The following MACF1 variants were observed in gnomAD, a reference collection of about 807,000 sequenced individuals.
MACF1 encodes microtubule-actin cross-linking factor 1.
Under a neutral mutation model 854.8 loss-of-function variants are expected in MACF1, and 193 were observed. The observed-to-expected ratio is 0.23, with a 90% confidence interval of 0.20 to 0.25. The LOEUF is 0.25. Ranked by LOEUF, MACF1 falls within the 10% of genes least tolerant of loss-of-function variation. The pLI is 1.00. For missense variants in MACF1, 7,722 were observed against 8,929.1 expected (o/e 0.86, Z 5.45); for synonymous variants, 3,185 against 3,226.7 (o/e 0.99, Z 0.44).
At chr1:39,157,991 G>T (rs1643725666) in intron 2 of MACF1, among the ~76,000 whole-genome samples, 1 of 152,204 alleles carries the variant, frequency 6.6e-6, no homozygotes, top group South Asian at 2.1e-4. Context: ...TTTCAAAGAT[G>T]AGTCTAATAA....
Position 39,333,238 on chromosome 1 carries a change from C to G in MACF1, c.6650C>G (p.Thr2217Ser). 3 of 1,613,306 alleles carry G rather than the reference C, an allele frequency of 1.9e-6. No homozygotes were observed. Among genetic ancestry groups the G allele is most frequent in the Non-Finnish European group, 1.7e-6 (2 of 1,179,866 alleles). Residue 2217 changes from threonine (T) to serine (S), a missense_variant, in exon 37 of 101, where the codon ACT (threonine) becomes AGT (serine). Thr to Ser is a moderately conservative substitution (Grantham distance 58). Around this residue, in one of 15 missense-constraint regions of MACF1, gnomAD observed 1,531 missense variants for 1,601.6 expected, o/e 0.96. Transcript: ENST00000564288. ...ATAAAGTTAGAACTAAAGTCTGAAA[C>G]TGATGGGAATGTTCATCCTCTGGAC... ...LGIKLELKSE[T>S]DGNVHPLDKK...
In MACF1 at chr1:39,185,503, TA is replaced by T. The variant is rs879320616; in HGVS notation, c.221-45668del. 5.4e-3 allele frequency among the ~76,000 whole-genome samples: 794 copies of T among 146,406 alleles called. 5 individuals carry two copies. The highest frequency in any genetic ancestry group is 0.019 in the African/African-American group (735 of 39,708). The stretch of plus-strand genomic sequence containing the variant: ...GGACAGCATAGAGGCCCAGTTTCTT[TA>T]AAAAAAAAAATTTTTTTTTTAAATA... On this transcript the variant is annotated intron_variant, in intron 2 of 93. Transcript: ENST00000361689.
intron 58 of MACF1, among the ~76,000 whole-genome samples, chr1:39,416,009 C>G (rs1643293209): frequency 6.6e-6 from 1 of 152,170 alleles, no homozygotes; most frequent in South Asian, 2.1e-4. Context: ...TTTTCTCATT[C>G]ACCTCACTGC....
At chr1:39,351,652 T>G (rs1050412215) in intron 43 of MACF1, among the ~76,000 whole-genome samples, 2 of 136,140 alleles carry the variant, frequency 1.5e-5, no homozygotes, top group African/African-American at 5.5e-5. Flanking sequence ...AGTGGTGCAA[T>G]CTCAGCTCAC....
rs1380381325 is a variant in MACF1, at chr1:39,331,991, T to C, written c.5403T>C (p.Cys1801=). ...RHNLIDQDMA[C]AILIRQLQTG... ...ATCTGATTGACCAAGATATGGCCTG[T>C]GCTATCCTCATAAGGCAGCTTCAGA... Residue 1801 remains cysteine (C), a synonymous_variant, in exon 37 of 101, where the codon TGT becomes TGC. Transcript: ENST00000564288. 3 of 1,613,854 alleles carry C rather than the reference T, an allele frequency of 1.9e-6. No individual in the cohort carries two copies. In the African/African-American group the frequency reaches 4.0e-5, roughly 22 times the overall value.
At chr1:39,117,041 C>T (rs1642566027) in intron 2 of MACF1, among the ~76,000 whole-genome samples, 1 of 152,172 alleles carries the variant, frequency 6.6e-6, no homozygotes. Context: ...AAAATGCAGC[C>T]TCCTTCTTGT....
chr1:39,085,765 C>G (rs1340095188), intron 2 of MACF1, among the ~76,000 whole-genome samples: 1 of 152,170 alleles, frequency 6.6e-6, no homozygotes, highest in Non-Finnish European at 1.5e-5. Context: ...AAGGCTTCAG[C>G]ATAAAGACCC....
intron 2 of MACF1, among the ~76,000 whole-genome samples, chr1:39,189,001 G>A (rs1042883071): frequency 6.6e-6 from 1 of 152,190 alleles, no homozygotes; most frequent in Non-Finnish European, 1.5e-5. Flanking sequence ...GCCTCCCAAA[G>A]TGTTAGGATT....
intron 14 of MACF1, among the ~76,000 whole-genome samples, chr1:39,286,448 G>C (rs28401514): frequency 4.5e-4 from 68 of 151,652 alleles, no homozygotes; most frequent in African/African-American, 1.6e-3. Context: ...ATTATGTAAA[G>C]TCATGTGGCT....
chr1:39,352,999 G>A lies in MACF1; in HGVS notation c.11200-8G>A, dbSNP rs768377213. On this transcript the variant is annotated splice_polypyrimidine_tract_variant and splice_region_variant and intron_variant, in intron 43 of 100. Coordinates refer to ENST00000564288, the MANE Select transcript of MACF1 (RefSeq NM_001394062.1). ...GCCTTCTCACTAGACTACCTCGGTG[G>A]CTTTCAGAGTAAAGCAGCAAAGGAA... 1.9e-5 allele frequency: 31 copies of A among 1,608,470 alleles called. No individual in the cohort carries two copies. The highest frequency in any genetic ancestry group is 2.4e-5 in the Non-Finnish European group (28 of 1,175,134).
intron 1 of MACF1, among the ~76,000 whole-genome samples, chr1:39,221,274 TA>T (rs1218532910): frequency 1.3e-5 from 2 of 152,200 alleles, no homozygotes; most frequent in African/African-American, 4.8e-5. Flanking sequence ...CTTTGAATTC[TA>T]AAACTAAAGT....
chr1:39,349,714 C>A, intron 42 of MACF1, 87 bp downstream of exon 42: 1 of 1,385,338 alleles, frequency 7.2e-7, no homozygotes, highest in Non-Finnish European at 9.8e-7. Flanking sequence ...CTCACTGCAG[C>A]TTCGATCTCC....
At chr1:39,151,023 G>A (rs1643567559) in intron 2 of MACF1, among the ~76,000 whole-genome samples, 1 of 152,134 alleles carries the variant, frequency 6.6e-6, no homozygotes, top group Non-Finnish European at 1.5e-5. Context: ...GAGAGCTAGA[G>A]GACTTCTTTT....
At chr1:39,243,943 T>G (rs1644952591) in intron 2 of MACF1, among the ~76,000 whole-genome samples, 1 of 152,152 alleles carries the variant, frequency 6.6e-6, no homozygotes, top group Non-Finnish European at 1.5e-5. Context: ...GCTAGTTCTT[T>G]ACTCTTCTTT....
At chr1:39,271,898 T>G (rs1360742046) in intron 6 of MACF1, among the ~76,000 whole-genome samples, 1 of 152,214 alleles carries the variant, frequency 6.6e-6, no homozygotes, top group African/African-American at 2.4e-5. Flanking sequence ...AAGAAAAGAT[T>G]GTTAGGAGAA....
chr1:39,361,267 C>T (rs1417251484), intron 48 of MACF1, 93 bp from the exon 49 acceptor site: 2 of 1,260,044 alleles, frequency 1.6e-6, no homozygotes, highest in Admixed American at 4.4e-5. Context: ...GTCCTCCAGT[C>T]CCCCTTGTGA....
chr1:39,446,204 C>G (rs1363797052), intron 80 of MACF1, among the ~76,000 whole-genome samples: 4 of 151,836 alleles, frequency 2.6e-5, no homozygotes, highest in African/African-American at 9.7e-5. Flanking sequence ...TCAGTAAAAT[C>G]ATTTATTAAA....
At chr1:39,247,490 G>T (rs1258026301) in intron 2 of MACF1, among the ~76,000 whole-genome samples, 2 of 152,000 alleles carry the variant, frequency 1.3e-5, no homozygotes, top group African/African-American at 4.8e-5. Flanking sequence ...TGTTAGTATT[G>T]TCTGTACTCT....
chr1:39,424,991 A>G lies in MACF1; in HGVS notation c.16316+797A>G, dbSNP rs549349229. ...TTATTCCTTACCTGAGTTGCAAAGT[A>G]TGGCTTGCCTATGTTAGTGGAAGAA... is the stretch of plus-strand genomic sequence containing the variant. On this transcript the variant is annotated intron_variant, in intron 61 of 100. Transcript: ENST00000564288. Among the ~76,000 whole-genome samples, 112 of 152,326 alleles carry G rather than the reference A, an allele frequency of 7.4e-4. 1 individual carries two copies. In the South Asian group the frequency reaches 0.023, roughly 31 times the overall value.
Sources: allele counts gnomAD v4.1 joint callset (sites outside exome capture counted in the v4.1 genomes callset), GRCh38; gene constraint gnomAD v4.1.1; regional missense constraint gnomAD v4.1.1; transcripts MANE v1.5; gene names NCBI Gene and HGNC (gene_info 2026-07-23, HGNC 2026-07-21).